JAKMIP2: variants seen among roughly 807,000 people sequenced by gnomAD.
The protein encoded by JAKMIP2 is janus kinase and microtubule interacting protein 2, also known as janus kinase and microtubule-interacting protein 2.
JAKMIP2 carries 25 observed loss-of-function variants against 115.0 expected under a neutral mutation model. The observed-to-expected ratio is 0.22, with a 90% confidence interval of 0.16 to 0.30. The LOEUF is 0.30. Among genes scored for constraint, JAKMIP2 ranks in the 10% least tolerant of loss-of-function variants. The pLI, the probability that JAKMIP2 is intolerant of heterozygous loss-of-function variation, is 1.00. For missense variants in JAKMIP2, 642 were observed against 957.6 expected (o/e 0.67, Z 4.35); for synonymous variants, 334 against 343.6 (o/e 0.97, Z 0.31).
intron 20 of JAKMIP2, among the ~76,000 whole-genome samples, chr5:147,611,383 G>A (rs543436393): frequency 1.3e-4 from 20 of 152,238 alleles, no homozygotes; most frequent in South Asian, 6.2e-4. Context: ...TATCTGGGCC[G>A]GAGTGCACCA....
chr5:147,645,063 G>T, intron 5 of JAKMIP2, 67 bp from the exon 6 acceptor site: 1 of 1,524,856 alleles, frequency 6.6e-7, no homozygotes, highest in Non-Finnish European at 9.0e-7. Context: ...GAGTAAAGTG[G>T]TGGGAGTGAA....
At chr5:147,729,958 A>G (rs963148729) in intron 1 of JAKMIP2, among the ~76,000 whole-genome samples, 8 of 152,122 alleles carry the variant, frequency 5.3e-5, no homozygotes, top group African/African-American at 1.9e-4. Flanking sequence ...ACAAGACCAT[A>G]GAGGTTGTTT....
intron 20 of JAKMIP2, among the ~76,000 whole-genome samples, chr5:147,603,254 T>C (rs1380201729): frequency 6.6e-6 from 1 of 152,216 alleles, no homozygotes; most frequent in Admixed American, 6.5e-5. Flanking sequence ...TGAGCCATTG[T>C]TTTATTATTT....
intron 1 of JAKMIP2, among the ~76,000 whole-genome samples, chr5:147,773,855 G>A (rs1755456574): frequency 6.6e-6 from 1 of 151,970 alleles, no homozygotes; most frequent in Non-Finnish European, 1.5e-5. Flanking sequence ...TCAAAAATGT[G>A]GACAATCTGG....
intron 17 of JAKMIP2, among the ~76,000 whole-genome samples, chr5:147,623,227 T>C (rs2126660626): frequency 6.6e-6 from 1 of 151,342 alleles, no homozygotes. Flanking sequence ...TTCTACTCTT[T>C]TTTTTTTTTT....
At chr5:147,721,511 C>T (rs1310277774) in intron 1 of JAKMIP2, among the ~76,000 whole-genome samples, 3 of 152,058 alleles carry the variant, frequency 2.0e-5, no homozygotes, top group Non-Finnish European at 2.9e-5. Flanking sequence ...ACTCCGTGGG[C>T]GTAGGACCCT....
intron 20 of JAKMIP2, among the ~76,000 whole-genome samples, chr5:147,605,561 T>C (rs1392815087): frequency 3.9e-5 from 6 of 152,188 alleles, no homozygotes; most frequent in African/African-American, 9.7e-5. Flanking sequence ...TTGGGTTGGT[T>C]CCAAGTCTTT....
intron 3 of JAKMIP2, among the ~76,000 whole-genome samples, chr5:147,658,873 C>T (rs1758818244): frequency 6.6e-6 from 1 of 152,156 alleles, no homozygotes; most frequent in South Asian, 2.1e-4. Context: ...ACGGTCACTC[C>T]TCCCCCCACC....
intron 1 of JAKMIP2, among the ~76,000 whole-genome samples, chr5:147,755,213 A>G (rs1425901031): frequency 6.6e-6 from 1 of 152,216 alleles, no homozygotes; most frequent in Admixed American, 6.5e-5. Context: ...ACAAAAGACA[A>G]CAGTCTTAAA....
chr5:147,705,478 G>A (rs1159256459), intron 1 of JAKMIP2, among the ~76,000 whole-genome samples: 1 of 151,920 alleles, frequency 6.6e-6, no homozygotes, highest in Non-Finnish European at 1.5e-5. Context: ...TTTGAGCCAT[G>A]AGAATCATTT....
At chr5:147,742,248 T>C (rs1388592108) in intron 1 of JAKMIP2, among the ~76,000 whole-genome samples, 1 of 151,130 alleles carries the variant, frequency 6.6e-6, no homozygotes, top group Non-Finnish European at 1.5e-5. Flanking sequence ...AGAGACATCC[T>C]GAGCTGTCAC....
intron 1 of JAKMIP2, among the ~76,000 whole-genome samples, chr5:147,778,263 C>A (rs1164069015): frequency 6.6e-6 from 1 of 152,064 alleles, no homozygotes; most frequent in Admixed American, 6.5e-5. Context: ...CTCTAAAATG[C>A]TTTTTGTGTG....
At chr5:147,698,606 T>G (rs1752200373) in intron 1 of JAKMIP2, among the ~76,000 whole-genome samples, 1 of 152,172 alleles carries the variant, frequency 6.6e-6, no homozygotes, top group Non-Finnish European at 1.5e-5. Context: ...CTCATGATAG[T>G]GAGTGAGTTC....
At chr5:147,657,619 C>T (rs1758745344) in intron 3 of JAKMIP2, among the ~76,000 whole-genome samples, 1 of 152,090 alleles carries the variant, frequency 6.6e-6, no homozygotes, top group Admixed American at 6.5e-5. Flanking sequence ...TTCCATTCTC[C>T]CCATCTCTTT....
Position 147,650,355 on chromosome 5 carries a change from C to T in JAKMIP2, c.820G>A (p.Glu274Lys), listed in dbSNP as rs756609174. The T allele has an allele frequency of 2.5e-6, 4 of 1,609,888 alleles. No homozygotes were observed. Among genetic ancestry groups the T allele is most frequent in the African/African-American group, 1.3e-5 (1 of 74,822 alleles). Residue 274 changes from glutamate to lysine, a missense_variant, in exon 4 of 22, where the codon GAA (glutamate) becomes AAA (lysine). Around this residue, in one of 6 missense-constraint regions of JAKMIP2, gnomAD observed 439 missense variants for 570.9 expected, o/e 0.77. Transcript: ENST00000616793. ...GGACTTACAGGACTGCTGCAGTGTT[C>T]GGAACCATCACCTGCCCTTCCTGGA... ...EIPGRAGDGS[E>K]HCSSPDLRRN...
intron 1 of JAKMIP2, among the ~76,000 whole-genome samples, chr5:147,720,681 C>T (rs1323398369): frequency 6.6e-6 from 1 of 151,602 alleles, no homozygotes; most frequent in African/African-American, 2.4e-5. Context: ...AGTTCTCGAG[C>T]CTTGGTTTTC....
intron 3 of JAKMIP2, among the ~76,000 whole-genome samples, chr5:147,652,492 G>A (rs756078608): frequency 6.6e-6 from 1 of 152,034 alleles, no homozygotes; most frequent in Non-Finnish European, 1.5e-5. Context: ...AATTCTCTGG[G>A]GAAATTTTCT....
At chr5:147,723,772 A>T (rs541141640) in intron 1 of JAKMIP2, among the ~76,000 whole-genome samples, 1 of 152,284 alleles carries the variant, frequency 6.6e-6, no homozygotes, top group South Asian at 2.1e-4. Context: ...AAAAGTACTC[A>T]TTCTGTCTTA....
At chr5:147,609,657 G>C (rs1383815240) in intron 20 of JAKMIP2, among the ~76,000 whole-genome samples, 1 of 152,038 alleles carries the variant, frequency 6.6e-6, no homozygotes, top group Non-Finnish European at 1.5e-5. Context: ...ATGTGTCTTA[G>C]GGCTGCTCTT....
Sources: gnomAD v4.1 joint callset for allele counts (sites outside exome capture counted in the v4.1 genomes callset) on GRCh38, gnomAD v4.1.1 for gene constraint, gnomAD v4.1.1 regional missense constraint, MANE v1.5 for transcripts, NCBI Gene and HGNC (gene_info 2026-07-23, HGNC 2026-07-21) for gene names.